The following ZNF670 variants were observed in gnomAD, a reference collection of about 807,000 sequenced individuals.
ZNF670 encodes zinc finger protein 670.
A neutral mutation model predicts 10.9 loss-of-function variants in ZNF670; 7 were observed. The observed-to-expected ratio is 0.64, with a 90% CI of 0.36 to 1.20. The LOEUF is 1.20. Ranked by LOEUF, ZNF670 falls within the 50% of genes most tolerant of loss-of-function variation. The probability of loss-of-function intolerance (pLI) is 0.02; values close to 1 mark genes in which losing one functional copy is unlikely to be tolerated. For synonymous variants in ZNF670, 136 were observed against 152.7 expected (o/e 0.89, Z 0.81); for missense variants, 446 against 458.6 (o/e 0.97, Z 0.25).
chr1:247,046,085 C>T (rs998921366), intron 1 of ZNF670, among the ~76,000 whole-genome samples: 4 of 151,024 alleles, frequency 2.6e-5, no homozygotes, highest in African/African-American at 4.8e-5. Flanking sequence ...GCTTCTTTGC[C>T]CCCACAATCA....
chr1:247,064,257 T>G (rs1218869897), intron 1 of ZNF670, among the ~76,000 whole-genome samples: 1 of 152,236 alleles, frequency 6.6e-6, no homozygotes, highest in Admixed American at 6.5e-5. Context: ...TCAGAGGACA[T>G]GCAGCAGTGG....
At chr1:247,062,714 A>C (rs779404096) in intron 1 of ZNF670, among the ~76,000 whole-genome samples, 4 of 152,212 alleles carry the variant, frequency 2.6e-5, no homozygotes, top group Non-Finnish European at 4.4e-5. Flanking sequence ...TCACCACGTC[A>C]CTGGGGTGGG....
chr1:247,066,091 GGA>G (rs753822054), intron 1 of ZNF670, among the ~76,000 whole-genome samples: 7 of 152,230 alleles, frequency 4.6e-5, no homozygotes, highest in African/African-American at 1.4e-4. Context: ...CAAAAAAAGA[GGA>G]GAGTCAAGAT....
intron 1 of ZNF670, among the ~76,000 whole-genome samples, chr1:247,070,396 G>A (rs2055192): frequency 0.093 from 14,136 of 152,082 alleles, 763 homozygotes; most frequent in South Asian, 0.19. Context: ...GCATGAACCC[G>A]GGAGGCAGAG....
At chr1:247,040,928 C>G (rs530996429) in intron 1 of ZNF670, among the ~76,000 whole-genome samples, 1 of 152,302 alleles carries the variant, frequency 6.6e-6, no homozygotes, top group South Asian at 2.1e-4. Context: ...CTCCTGACCT[C>G]AGGTAATCTG....
Position 247,038,314 on chromosome 1 carries a change from G to C in ZNF670, c.305C>G (p.Pro102Arg), listed in dbSNP as rs1225889538. The C allele has an allele frequency of 4.3e-6, 7 of 1,614,048 alleles. No individual in the cohort carries two copies. The South Asian group carries it at 7.7e-5, about 18-fold the overall frequency. ...LNKKVSTGVKPCECSVCGKVF... is the reference protein window; with the variant it reads ...LNKKVSTGVKRCECSVCGKVF... Reference sequence around the variant, plus strand: ...TTTTCCACACACACTGCATTCACATGGCTTTACTCCAGTAGAAACTTTCTT... The same window carrying C: ...TTTTCCACACACACTGCATTCACATCGCTTTACTCCAGTAGAAACTTTCTT... Residue 102 changes from proline (P) to arginine (R), a missense_variant, in exon 4 of 4, where the codon CCA (proline) becomes CGA (arginine). Coordinates refer to ENST00000366503, the MANE Select transcript of ZNF670 (RefSeq NM_033213.5).
intron 1 of ZNF670, among the ~76,000 whole-genome samples, chr1:247,068,235 G>C (rs1671035060): frequency 7.0e-6 from 1 of 142,424 alleles, no homozygotes; most frequent in Non-Finnish European, 1.5e-5. Context: ...AGAATCGCTT[G>C]AACCCAAGAG....
At position 247,073,861 on chromosome 1, in the gene ZNF670, GT is replaced by G. The variant is rs529757000; in HGVS notation, c.3+4732del. 2.2e-4 allele frequency among the ~76,000 whole-genome samples: 34 copies of G among 152,172 alleles called. 1 individual carries two copies. The East Asian group carries it at 6.2e-3, about 28-fold the overall frequency. ...GAGGTTCCCATCACCCCTTCCTCAG[GT>G]TTGATAACGTGAAAAACAACTATGC... On this transcript the variant is annotated intron_variant, in intron 1 of 3. Coordinates refer to ENST00000366503, the MANE Select transcript of ZNF670 (RefSeq NM_033213.5).
chr1:247,044,285 G>A (rs974150165), intron 1 of ZNF670, among the ~76,000 whole-genome samples: 1 of 152,108 alleles, frequency 6.6e-6, no homozygotes, highest in African/African-American at 2.4e-5. Context: ...GCAACATTCA[G>A]GCTATTATTA....
intron 1 of ZNF670, 38 bp downstream of exon 1, chr1:247,078,556 C>G: frequency 6.2e-7 from 1 of 1,613,250 alleles, no homozygotes; most frequent in Non-Finnish European, 8.5e-7. Flanking sequence ...TGGCGGTTCC[C>G]TTTTCCCCTT....
intron 1 of ZNF670, among the ~76,000 whole-genome samples, chr1:247,070,454 G>C (rs556539490): frequency 5.1e-4 from 78 of 152,250 alleles, no homozygotes; most frequent in Non-Finnish European, 8.5e-4. Context: ...CTGGGCGACA[G>C]AGTGAGACTC....
chr1:247,064,954 G>A (rs1013926708), intron 1 of ZNF670, among the ~76,000 whole-genome samples: 2 of 152,134 alleles, frequency 1.3e-5, no homozygotes, highest in Admixed American at 6.5e-5. Flanking sequence ...GACCACAGGT[G>A]CGCACCACCA....
intron 1 of ZNF670, among the ~76,000 whole-genome samples, chr1:247,057,569 T>A (rs1376103910): frequency 6.6e-6 from 1 of 152,140 alleles, no homozygotes; most frequent in African/African-American, 2.4e-5. Context: ...ATAGCCAAGA[T>A]TTGGAAGCAA....
chr1:247,054,011 A>G (rs60164932), intron 1 of ZNF670, among the ~76,000 whole-genome samples: 10,514 of 152,252 alleles, frequency 0.069, 528 homozygotes, highest in African/African-American at 0.15. Flanking sequence ...TAGCATAGAG[A>G]ATCTGTGTGA....
Position 247,050,435 on chromosome 1 carries a change from G to A in ZNF670, c.4-10898C>T, listed in dbSNP as rs187908475. Among the ~76,000 whole-genome samples the A allele has an allele frequency of 2.0e-5, 3 of 151,598 alleles. No individual in the cohort carries two copies. In the East Asian group the frequency reaches 5.8e-4, roughly 29 times the overall value. On this transcript the variant is annotated intron_variant, in intron 1 of 3. Transcript: ENST00000366503. ...ATGTGAGTCCTTATGTGTCAGGTGA[G>A]TCTCTTGAAGACAGCTGATAACTTG...
intron 1 of ZNF670, among the ~76,000 whole-genome samples, chr1:247,074,591 T>G (rs1379656893): frequency 6.6e-6 from 1 of 152,194 alleles, no homozygotes; most frequent in Non-Finnish European, 1.5e-5. Context: ...GGGATCAGTT[T>G]CATAGAACAC....
chr1:247,050,054 A>G (rs1670555000), intron 1 of ZNF670, among the ~76,000 whole-genome samples: 1 of 152,238 alleles, frequency 6.6e-6, no homozygotes, highest in African/African-American at 2.4e-5. Context: ...GTTCTATGAT[A>G]TAGTCAAGAC....
intron 1 of ZNF670, among the ~76,000 whole-genome samples, chr1:247,068,998 T>C (rs577838358): frequency 4.7e-5 from 7 of 150,436 alleles, no homozygotes; most frequent in African/African-American, 1.5e-4. Flanking sequence ...CTCATGGGCA[T>C]AGAGAGTCGA....
At chr1:247,052,376 C>A (rs982191931) in intron 1 of ZNF670, among the ~76,000 whole-genome samples, 1 of 151,978 alleles carries the variant, frequency 6.6e-6, no homozygotes, top group Admixed American at 6.6e-5. Context: ...GTCAAGCCAC[C>A]CATTGGAGGT....
Sources: gnomAD v4.1 joint callset for allele counts (sites outside exome capture counted in the v4.1 genomes callset) on GRCh38, gnomAD v4.1.1 for gene constraint, MANE v1.5 for transcripts, NCBI Gene and HGNC (gene_info 2026-07-23, HGNC 2026-07-21) for gene names.